FLT1: variants seen among roughly 807,000 people sequenced by gnomAD.
FLT1 encodes vascular endothelial growth factor receptor 1.
FLT1 carries 49 observed loss-of-function variants against 156.3 expected under a neutral mutation model. The ratio of observed to expected loss-of-function variants is 0.31; its 90% CI spans 0.25 to 0.40. FLT1 has a LOEUF of 0.40. Ranked by LOEUF, FLT1 falls within the 10% of genes least tolerant of loss-of-function variation. The pLI, the probability that FLT1 is intolerant of heterozygous loss-of-function variation, is 1.00. For synonymous variants in FLT1, 594 were observed against 583.8 expected, an observed-to-expected ratio of 1.02 and a Z score of -0.25; for missense variants, 1,322 against 1,637.2, an observed-to-expected ratio of 0.81 and a Z score of 3.32.
intron 10 of FLT1, among the ~76,000 whole-genome samples, chr13:28,421,026 C>A (rs1288562954): frequency 1.3e-5 from 2 of 151,764 alleles, no homozygotes; most frequent in Non-Finnish European, 2.9e-5. Context: ...AGTAAACCAC[C>A]CTTACTCTTA....
At position 28,322,268 on chromosome 13, in the gene FLT1, G is replaced by A. The variant is rs778638705; in HGVS notation, c.3045C>T (p.Ser1015=). ...QVARGMEFLS[S]RKCIHRDLAA... is the part of the protein sequence containing the mutation. Reference sequence around the variant, plus strand: ...AGTAAACAGCAAGACTGACCTTTCTGGAAGACAGGAACTCCATGCCTCTGG... The same window carrying A: ...AGTAAACAGCAAGACTGACCTTTCTAGAAGACAGGAACTCCATGCCTCTGG... The change falls in exon 22 of 30, where the codon TCC becomes TCT. Residue 1015 remains serine, a synonymous_variant. Coordinates refer to ENST00000282397, the MANE Select transcript of FLT1 (RefSeq NM_002019.4). The surrounding 1 kb of genome is among the most constrained non-coding windows in gnomAD (Gnocchi z 4.3). The A allele has an allele frequency of 1.3e-6, 2 of 1,596,704 alleles. No individual in the cohort carries two copies. Among genetic ancestry groups the A allele is most frequent in the South Asian group, 2.2e-5 (2 of 90,714 alleles).
chr13:28,448,744 T>C (rs748687220), intron 3 of FLT1, among the ~76,000 whole-genome samples: 8 of 152,208 alleles, frequency 5.3e-5, no homozygotes, highest in Non-Finnish European at 8.8e-5. Flanking sequence ...GGGTGTGGTA[T>C]GTAAATTATA....
intron 3 of FLT1, among the ~76,000 whole-genome samples, chr13:28,460,284 T>A (rs989100430): frequency 1.2e-4 from 18 of 152,228 alleles, no homozygotes; most frequent in African/African-American, 3.9e-4. Context: ...GACCCACTTC[T>A]GAACAATAGT....
chr13:28,420,398 G>A (rs377576917), intron 10 of FLT1, among the ~76,000 whole-genome samples: 28 of 152,156 alleles, frequency 1.8e-4, no homozygotes, highest in East Asian at 1.5e-3. Flanking sequence ...AAAATTCTCT[G>A]TAGCATGGCT....
chr13:28,304,246 A>G (rs1056850537), intron 29 of FLT1, among the ~76,000 whole-genome samples: 9 of 152,228 alleles, frequency 5.9e-5, no homozygotes, highest in African/African-American at 2.2e-4. Flanking sequence ...AGTAGGAAAC[A>G]AAAGAGCAAG....
intron 1 of FLT1, among the ~76,000 whole-genome samples, chr13:28,493,075 T>C (rs1881557068): frequency 6.6e-6 from 1 of 152,166 alleles, no homozygotes; most frequent in Non-Finnish European, 1.5e-5. Flanking sequence ...ATGCTTCCAA[T>C]TACAAAGAAA....
Position 28,466,824 on chromosome 13 carries a change from C to A in FLT1, c.388+79G>T, listed in dbSNP as rs761809837. The A allele has an allele frequency of 4.5e-5, 46 of 1,017,352 alleles. 1 individual carries two copies. In the South Asian group the frequency reaches 5.9e-4, roughly 13 times the overall value. The allele number at this position is 1,017,352 out of a possible 1,614,324, so 63.0% of individuals were successfully genotyped here. ...TCTTTCATACTCACTAGGAAAGCAA[C>A]CTTTCCAATGGATCAGGGTAGATTT... On this transcript the variant is annotated intron_variant, in intron 3 of 29. Coordinates refer to ENST00000282397, the MANE Select transcript of FLT1 (RefSeq NM_002019.4).
intron 10 of FLT1, among the ~76,000 whole-genome samples, chr13:28,423,765 T>G (rs983990495): frequency 6.6e-6 from 1 of 152,240 alleles, no homozygotes; most frequent in East Asian, 1.9e-4. Context: ...AACATCCTTA[T>G]GATGCTCTCT....
chr13:28,444,389 TGAG>T (rs141095039), intron 3 of FLT1, among the ~76,000 whole-genome samples: 9,533 of 151,878 alleles, frequency 0.063, 337 homozygotes, highest in South Asian at 0.11. Context: ...TGCAGTGAGC[TGAG>T]ATCACACCAC....
chr13:28,412,373 T>TTTCCTTCTTTCTTTCC lies in FLT1; in HGVS notation c.1437-6480_1437-6479insGGAAAGAAAGAAGGAA, dbSNP rs1566013070. ...TTCTCTTTCTTTCTTTCTTTCTTTCTTTCTTTCTTTCTTTCTTTCTTTCTT... is the reference window on the plus strand; with the variant it reads ...TTCTCTTTCTTTCTTTCTTTCTTTCTTTCCTTCTTTCTTTCCTTCTTTCTTTCTTTCTTTCTTTCTT... On this transcript the variant is annotated intron_variant, in intron 10 of 29. Coordinates refer to ENST00000282397, the MANE Select transcript of FLT1 (RefSeq NM_002019.4). Among the ~76,000 whole-genome samples the TTTCCTTCTTTCTTTCC allele has an allele frequency of 1.3e-4, 16 of 126,386 alleles. 1 individual carries two copies. The highest frequency in any genetic ancestry group is 4.0e-4 in the African/African-American group (13 of 32,118). The allele number at this position is 126,386 out of a possible 152,430, so 82.9% of individuals were successfully genotyped here.
chr13:28,464,265 T>A (rs1252286842), intron 3 of FLT1, among the ~76,000 whole-genome samples: 1 of 152,222 alleles, frequency 6.6e-6, no homozygotes, highest in Non-Finnish European at 1.5e-5. Flanking sequence ...ATAGATAATT[T>A]CCTAATGTCC....
At chr13:28,376,086 T>G (rs993565923) in intron 14 of FLT1, among the ~76,000 whole-genome samples, 1 of 152,210 alleles carries the variant, frequency 6.6e-6, no homozygotes, top group African/African-American at 2.4e-5. Flanking sequence ...TTAAGATCTT[T>G]CCTGGATCTA....
In FLT1 at chr13:28,340,964, T is replaced by A. The variant is rs143777294; in HGVS notation, c.2356-1664A>T. ...CCTATAACAGGGTACTAGGTGCCCA[T>A]TAGAGAAACTGCTGTAGTAGTAGGT... On this transcript the variant is annotated intron_variant, in intron 16 of 29. Transcript: ENST00000282397. 8.1e-4 allele frequency among the ~76,000 whole-genome samples: 123 copies of A among 152,258 alleles called. 3 individuals are homozygous for A. The East Asian group carries it at 0.023, about 29-fold the overall frequency.
At position 28,428,614 on chromosome 13, in the gene FLT1, C is replaced by G. The variant is rs996072002; in HGVS notation, c.1107-693G>C. ...GTGCTTGACCTGGCTCTGCTACTCACTGCAGGCTGCTGCAAATGTGACTAA... is the reference window on the plus strand; with the variant it reads ...GTGCTTGACCTGGCTCTGCTACTCAGTGCAGGCTGCTGCAAATGTGACTAA... On this transcript the variant is annotated intron_variant, in intron 8 of 29. Transcript: ENST00000282397. 1.2e-4 allele frequency among the ~76,000 whole-genome samples: 19 copies of G among 152,226 alleles called. No individual in the cohort carries two copies. The East Asian group carries it at 1.7e-3, about 14-fold the overall frequency.
intron 10 of FLT1, among the ~76,000 whole-genome samples, chr13:28,412,377 T>TTTCCTTCC (rs1213347124): frequency 2.5e-5 from 3 of 120,652 alleles, no homozygotes; most frequent in African/African-American, 6.2e-5. Context: ...TCTTTCTTTC[T>TTTCCTTCC]TTCTTTCTTT....
intron 14 of FLT1, among the ~76,000 whole-genome samples, chr13:28,372,066 ATATATATATATTTTTT>A (rs1358095437): frequency 6.8e-3 from 203 of 29,730 alleles, no homozygotes; most frequent in East Asian, 0.026. Context: ...ATATATATAT[ATATATATATATTTTTT>A]TTTTTTTTTT....
intron 14 of FLT1, among the ~76,000 whole-genome samples, chr13:28,360,442 T>TC (rs1236095348): frequency 6.6e-6 from 1 of 152,224 alleles, no homozygotes; most frequent in African/African-American, 2.4e-5. Flanking sequence ...AACCTATGTG[T>TC]CCATCAATGG....
At chr13:28,492,806 A>G (rs1264844776) in intron 1 of FLT1, among the ~76,000 whole-genome samples, 1 of 152,244 alleles carries the variant, frequency 6.6e-6, no homozygotes, top group Non-Finnish European at 1.5e-5. Flanking sequence ...CTTGTTAACC[A>G]GACAGAGAAA....
At chr13:28,425,083 T>C (rs1374826954) in intron 10 of FLT1, among the ~76,000 whole-genome samples, 2 of 152,228 alleles carry the variant, frequency 1.3e-5, no homozygotes, top group East Asian at 3.8e-4. Flanking sequence ...AAGTTAACTG[T>C]ACTGATTTAA....
Sources: allele counts gnomAD v4.1 joint callset (sites outside exome capture counted in the v4.1 genomes callset), GRCh38; gene constraint gnomAD v4.1.1; non-coding constraint Gnocchi (gnomAD v3.1); transcripts MANE v1.5; gene names NCBI Gene and HGNC (gene_info 2026-07-23, HGNC 2026-07-21).